NOVA1: variants seen among roughly 807,000 people sequenced by gnomAD.
The protein encoded by NOVA1 is NOVA alternative splicing regulator 1, also known as RNA-binding protein Nova-1.
In NOVA1, 7 loss-of-function variants were observed where a neutral mutation model predicts 38.0. The ratio of observed to expected loss-of-function variants is 0.18; its 90% CI spans 0.10 to 0.35. NOVA1 has a LOEUF of 0.35. Among genes scored for constraint, NOVA1 ranks in the 10% least tolerant of loss-of-function variants. NOVA1 has a pLI of 1.00. For synonymous variants in NOVA1, 270 were observed against 232.5 expected (o/e 1.16, Z -1.47); for missense variants, 460 against 616.0 (o/e 0.75, Z 2.68).
chr14:26,527,160 T>C (rs1889366083), intron 2 of NOVA1, among the ~76,000 whole-genome samples: 1 of 98,316 alleles, frequency 1.0e-5, no homozygotes, highest in African/African-American at 4.0e-5. Context: ...GTGCTTTCCC[T>C]GGAAAACACC....
chr14:26,499,389 C>T (rs937855387), intron 2 of NOVA1, among the ~76,000 whole-genome samples: 1 of 151,860 alleles, frequency 6.6e-6, no homozygotes, highest in Non-Finnish European at 1.5e-5. Flanking sequence ...ATACATAAAA[C>T]AATGTGAATT....
At chr14:26,532,825 A>G (rs1200395380) in intron 2 of NOVA1, among the ~76,000 whole-genome samples, 1 of 152,198 alleles carries the variant, frequency 6.6e-6, no homozygotes, top group African/African-American at 2.4e-5. Flanking sequence ...TAGTATGTCT[A>G]AACTCTTTTA....
intron 2 of NOVA1, among the ~76,000 whole-genome samples, chr14:26,518,979 C>T (rs1349633605): frequency 6.6e-6 from 1 of 151,898 alleles, no homozygotes; most frequent in Non-Finnish European, 1.5e-5. Context: ...TATAGAGTTG[C>T]TTCAGAAGGA....
intron 2 of NOVA1, among the ~76,000 whole-genome samples, chr14:26,532,205 A>G (rs1889766770): frequency 6.6e-6 from 1 of 152,190 alleles, no homozygotes; most frequent in African/African-American, 2.4e-5. Flanking sequence ...AGATAAACGA[A>G]AGCATAACTC....
In NOVA1 at chr14:26,443,646, A is replaced by G. The variant is rs1881857412; in HGVS notation, c.*4313T>C. 1 of 152,318 alleles carries G rather than the reference A, an allele frequency of 6.6e-6. No individual in the cohort carries two copies. The highest frequency in any genetic ancestry group is 1.5e-5 in the Non-Finnish European group (1 of 67,864). The allele number at this position is 152,318 out of a possible 1,614,324, so 9.4% of individuals were successfully genotyped here. A position where few individuals can be genotyped will look rare whatever the true frequency, so the allele number is the denominator to read the frequency against. ...AATCTGTTAAAGTAATATGATACTT[A>G]CCCTTTATGTAAAAAGACATCTATG... On this transcript the variant is annotated 3_prime_UTR_variant, in exon 5 of 5. Coordinates refer to ENST00000539517, the MANE Select transcript of NOVA1 (RefSeq NM_002515.3).
chr14:26,490,030 T>C (rs749434955), intron 2 of NOVA1, among the ~76,000 whole-genome samples: 1 of 152,186 alleles, frequency 6.6e-6, no homozygotes, highest in African/African-American at 2.4e-5. Flanking sequence ...CCTTCCTTCC[T>C]ATATCCCCCA....
At chr14:26,456,984 T>C (rs1012191689) in intron 4 of NOVA1, among the ~76,000 whole-genome samples, 7 of 151,630 alleles carry the variant, frequency 4.6e-5, no homozygotes, top group Non-Finnish European at 1.0e-4. Context: ...CACACATATA[T>C]ATATATGTAG....
At chr14:26,547,907 G>A (rs1890895530) in intron 2 of NOVA1, among the ~76,000 whole-genome samples, 1 of 152,002 alleles carries the variant, frequency 6.6e-6, no homozygotes, top group Admixed American at 6.6e-5. Context: ...AGTAAAGAGG[G>A]TAAGCCTCAT....
At chr14:26,575,793 T>G (rs1892803344) in intron 2 of NOVA1, among the ~76,000 whole-genome samples, 1 of 151,960 alleles carries the variant, frequency 6.6e-6, no homozygotes, top group Admixed American at 6.5e-5. Flanking sequence ...TTCAAATATT[T>G]TATTAAATCT....
rs538686961 is a variant in NOVA1 at position 26,445,803 on chromosome 14, A to G, written c.*2156T>C. On this transcript the variant is annotated 3_prime_UTR_variant, in exon 5 of 5. Transcript: ENST00000539517. ...AGACAGCATGGTGAAAGAAATTTAC[A>G]TAGATATTATTTACTGTTAATGTAT... The G allele has an allele frequency of 3.3e-5, 5 of 152,720 alleles. No homozygotes were observed. The highest frequency in any genetic ancestry group is 5.9e-5 in the Non-Finnish European group (4 of 68,022). The allele number at this position is 152,720 out of a possible 1,614,324, so 9.5% of individuals were successfully genotyped here.
chr14:26,557,737 C>G (rs1260267860), intron 2 of NOVA1, among the ~76,000 whole-genome samples: 1 of 152,016 alleles, frequency 6.6e-6, no homozygotes, highest in Non-Finnish European at 1.5e-5. Flanking sequence ...TTTTAACATA[C>G]AATACAGCAA....
intron 2 of NOVA1, among the ~76,000 whole-genome samples, chr14:26,510,404 G>C (rs1430893463): frequency 6.6e-6 from 1 of 151,904 alleles, no homozygotes; most frequent in Admixed American, 6.6e-5. Context: ...ACTTCAGAAG[G>C]GTCTGGGTTA....
intron 2 of NOVA1, among the ~76,000 whole-genome samples, chr14:26,535,836 G>A (rs533510138): frequency 2.0e-5 from 3 of 151,982 alleles, no homozygotes; most frequent in South Asian, 2.1e-4. Context: ...AAAATTAGCC[G>A]GGCGTGGTGG....
chr14:26,595,626 G>A (rs922089861), intron 1 of NOVA1, 73 bp from the exon 2 acceptor site: 3 of 1,345,654 alleles, frequency 2.2e-6, no homozygotes, highest in Non-Finnish European at 2.0e-6. Context: ...ACCCTCAAGA[G>A]AGAAAAACAG....
chr14:26,574,330 C>A (rs913339752), intron 2 of NOVA1, among the ~76,000 whole-genome samples: 16 of 147,570 alleles, frequency 1.1e-4, no homozygotes, highest in African/African-American at 4.0e-4. Flanking sequence ...AGCCACCACG[C>A]CCAGCCAAGA....
At chr14:26,592,727 A>T (rs1370467400) in intron 2 of NOVA1, 1 of 151,708 alleles carries the variant, frequency 6.6e-6, no homozygotes, top group Non-Finnish European at 1.5e-5. Flanking sequence ...GATATTTTCA[A>T]AAGAAATAAG....
At chr14:26,505,612 CCAAA>C (rs887238169) in intron 2 of NOVA1, among the ~76,000 whole-genome samples, 21 of 152,126 alleles carry the variant, frequency 1.4e-4, no homozygotes, top group African/African-American at 3.6e-4. Context: ...TTTACTTCTA[CCAAA>C]CACAGTCCCA....
chr14:26,537,714 A>G (rs763906434), intron 2 of NOVA1, among the ~76,000 whole-genome samples: 2 of 152,186 alleles, frequency 1.3e-5, no homozygotes, highest in African/African-American at 2.4e-5. Flanking sequence ...TTTCATTCTT[A>G]GTGGAAAGAA....
intron 2 of NOVA1, chr14:26,549,685 A>G (rs1891047652): frequency 1.6e-6 from 2 of 1,267,880 alleles, no homozygotes; most frequent in Admixed American, 4.6e-5. Context: ...CTTACAGTCT[A>G]TGTAGTACTC....
Sources: allele counts gnomAD v4.1 joint callset (sites outside exome capture counted in the v4.1 genomes callset), GRCh38; gene constraint gnomAD v4.1.1; transcripts MANE v1.5; gene names NCBI Gene and HGNC (gene_info 2026-07-23, HGNC 2026-07-21).